The following ZNF69 variants were observed in gnomAD, a reference collection of about 807,000 sequenced individuals.
ZNF69 encodes the protein zinc finger protein 69, also known as ZNF3.
A neutral mutation model predicts 50.9 loss-of-function variants in ZNF69; 47 were observed. The ratio of observed to expected loss-of-function variants is 0.92; its 90% CI spans 0.73 to 1.18. ZNF69 has a LOEUF of 1.18. Ranked by LOEUF, ZNF69 falls within the 50% of genes most tolerant of loss-of-function variation. The pLI, the probability that ZNF69 is intolerant of heterozygous loss-of-function variation, is 0.00. For synonymous variants in ZNF69, 216 were observed against 223.1 expected (o/e 0.97, Z 0.29); for missense variants, 717 against 675.1 (o/e 1.06, Z -0.69).
At chr19:11,900,630 C>T (rs1252619957) in intron 1 of ZNF69, among the ~76,000 whole-genome samples, 1 of 152,222 alleles carries the variant, frequency 6.6e-6, no homozygotes, top group Non-Finnish European at 1.5e-5. Context: ...GGGATTAAGG[C>T]ATGAGCCACC....
At chr19:11,907,718 A>G (rs2145247496), downstream of ZNF69, among the ~76,000 whole-genome samples, 1 of 152,370 alleles carries the variant, frequency 6.6e-6, no homozygotes, top group East Asian at 1.9e-4. Flanking sequence ...CTGCAAAAAC[A>G]TGCCAAATTG....
chr19:11,934,241 T>G, the ZNF69 span, among the ~76,000 whole-genome samples: 1 of 148,076 alleles, frequency 6.8e-6, no homozygotes, highest in Non-Finnish European at 1.5e-5. Flanking sequence ...TGAGTAAGGC[T>G]GCTAAAAACG....
chr19:11,902,669 G>C (rs149470320), intron 1 of ZNF69, among the ~76,000 whole-genome samples: 16 of 150,636 alleles, frequency 1.1e-4, no homozygotes, highest in Admixed American at 4.7e-4. Context: ...GTCCCTGGGG[G>C]AGTGTGATTT....
intron 3 of ZNF69, 93 bp downstream of exon 3, chr19:11,904,058 A>G (rs938446698): frequency 7.1e-7 from 1 of 1,417,486 alleles, no homozygotes; most frequent in African/African-American, 1.5e-5. Context: ...TAAGTCCAGG[A>G]TCAAATACAT....
At chr19:11,894,261 C>G (rs1309499607) in intron 1 of ZNF69, among the ~76,000 whole-genome samples, 1 of 152,176 alleles carries the variant, frequency 6.6e-6, no homozygotes, top group Non-Finnish European at 1.5e-5. Flanking sequence ...GCTCCGCCTC[C>G]CGGGTTCATG....
chr19:11,927,000 A>G, the ZNF69 span, among the ~76,000 whole-genome samples: 26 of 152,294 alleles, frequency 1.7e-4, no homozygotes, highest in Admixed American at 4.6e-4. Flanking sequence ...GAGTTCTTGA[A>G]TCTCACACAG....
intron 1 of ZNF69, among the ~76,000 whole-genome samples, chr19:11,897,006 T>C (rs375506736): frequency 1.4e-4 from 22 of 152,306 alleles, no homozygotes; most frequent in Middle Eastern, 3.4e-3. Context: ...ATAATAATCA[T>C]TTTATATCCT....
At chr19:11,977,401 A>G in the ZNF69 span, 1 of 1,613,944 alleles carries the variant, frequency 6.2e-7, no homozygotes, top group African/African-American at 1.3e-5. Flanking sequence ...AACATTGAAT[A>G]TGAGTACCAA....
chr19:11,934,953 G>T, the ZNF69 span, among the ~76,000 whole-genome samples: 1 of 147,278 alleles, frequency 6.8e-6, no homozygotes, highest in Non-Finnish European at 1.5e-5. Context: ...GGCCAAGGCG[G>T]GTGGATCAGG....
At chr19:11,920,243 C>G in the ZNF69 span, among the ~76,000 whole-genome samples, 2 of 151,820 alleles carry the variant, frequency 1.3e-5, no homozygotes, top group Non-Finnish European at 2.9e-5. Context: ...TCCAGAATAG[C>G]CAGGATCACA....
the ZNF69 span, among the ~76,000 whole-genome samples, chr19:11,952,373 A>G: frequency 6.6e-6 from 1 of 152,234 alleles, no homozygotes; most frequent in Non-Finnish European, 1.5e-5. Context: ...TTGTTTTACT[A>G]AGTCATAGGA....
At chr19:11,938,358 A>T in the ZNF69 span, among the ~76,000 whole-genome samples, 1 of 152,088 alleles carries the variant, frequency 6.6e-6, no homozygotes, top group Non-Finnish European at 1.5e-5. Flanking sequence ...TACATTAGGT[A>T]TATCTCCTTA....
chr19:11,920,667 C>A, the ZNF69 span, among the ~76,000 whole-genome samples: 1 of 151,890 alleles, frequency 6.6e-6, no homozygotes, highest in Non-Finnish European at 1.5e-5. Context: ...GGGGGTGCAT[C>A]ACCTGAGCTC....
chr19:11,905,003 T>G lies in ZNF69; in HGVS notation c.606T>G (p.Ile202Met). The G allele has an allele frequency of 6.2e-7, 1 of 1,614,102 alleles. No homozygotes were observed. Among genetic ancestry groups the G allele is most frequent in the Non-Finnish European group, 8.5e-7 (1 of 1,180,002 alleles). ...YACKECGKTF[I>M]SHSSIQRHVV... is the part of the protein sequence containing the mutation. ...GTAAAGAATGTGGAAAAACTTTTAT[T>G]TCCCATTCAAGCATTCAAAGACACG... The change falls in exon 4 of 4, where the codon ATT (isoleucine) becomes ATG (methionine). Residue 202 changes from isoleucine (I) to methionine (M), a missense_variant. Ile to Met is a conservative substitution (Grantham distance 10, BLOSUM62 1). Coordinates refer to ENST00000429654, the MANE Select transcript of ZNF69 (RefSeq NM_001364730.1).
At chr19:11,979,054 T>C in the ZNF69 span, 46 of 1,614,052 alleles carry the variant, frequency 2.8e-5, no homozygotes, top group African/African-American at 5.1e-4. Flanking sequence ...GGGAAAGCAT[T>C]ATCTTATAAG....
At chr19:11,972,631 A>T in the ZNF69 span, among the ~76,000 whole-genome samples, 1 of 152,220 alleles carries the variant, frequency 6.6e-6, no homozygotes, top group African/African-American at 2.4e-5. Context: ...GATATTTTAT[A>T]TTGGATTTTA....
chr19:11,976,883 C>G, the ZNF69 span: 1 of 1,495,376 alleles, frequency 6.7e-7, no homozygotes, highest in South Asian at 1.4e-5. Flanking sequence ...AACAAAAATG[C>G]TTTATGGAAG....
At chr19:11,937,857 G>T in the ZNF69 span, among the ~76,000 whole-genome samples, 1 of 152,042 alleles carries the variant, frequency 6.6e-6, no homozygotes, top group African/African-American at 2.4e-5. Flanking sequence ...AGTTCATTGA[G>T]TGTTTTTAAT....
chr19:11,899,089 C>T (rs979009570), intron 1 of ZNF69, among the ~76,000 whole-genome samples: 1 of 152,178 alleles, frequency 6.6e-6, no homozygotes, highest in East Asian at 1.9e-4. Context: ...CTGTGCTCCT[C>T]CTAATTCTAT....
Sources: gnomAD v4.1 joint callset for allele counts (sites outside exome capture counted in the v4.1 genomes callset) on GRCh38, gnomAD v4.1.1 for gene constraint, MANE v1.5 for transcripts, NCBI Gene and HGNC (gene_info 2026-07-23, HGNC 2026-07-21) for gene names.